The following RBFOX1 variants were observed in gnomAD, a reference collection of about 807,000 sequenced individuals.
RBFOX1 encodes RNA binding fox-1 homolog 1.
Under a neutral mutation model 57.7 loss-of-function variants are expected in RBFOX1, and 8 were observed. The observed-to-expected ratio is 0.14, with a 90% confidence interval of 0.08 to 0.25. RBFOX1 has a LOEUF of 0.25. RBFOX1 is among the 10% of genes least tolerant of loss of function. The pLI is 1.00. For missense variants in RBFOX1, 611 were observed against 548.5 expected (o/e 1.11, Z -1.14); for synonymous variants, 326 against 222.4 (o/e 1.47, Z -4.15).
chr16:6,128,814 G>C (rs918963982), intron 1 of RBFOX1, among the ~76,000 whole-genome samples: 8 of 152,158 alleles, frequency 5.3e-5, no homozygotes, highest in African/African-American at 1.9e-4. Flanking sequence ...GGGCACTTGG[G>C]ATCCAAGCAA....
intron 5 of RBFOX1, among the ~76,000 whole-genome samples, chr16:7,526,658 C>G (rs1326620103): frequency 6.6e-6 from 1 of 152,198 alleles, no homozygotes; most frequent in Non-Finnish European, 1.5e-5. Flanking sequence ...TGAATAGTTA[C>G]ATCGAAATGA....
intron 2 of RBFOX1, among the ~76,000 whole-genome samples, chr16:6,364,837 C>G (rs1380804892): frequency 6.6e-6 from 1 of 152,138 alleles, no homozygotes; most frequent in African/African-American, 2.4e-5. Context: ...GAGAGAGTAA[C>G]TGAAGGCAAA....
intron 1 of RBFOX1, among the ~76,000 whole-genome samples, chr16:5,397,070 G>A (rs62016360): frequency 0.12 from 18,620 of 152,220 alleles, 1,438 homozygotes; most frequent in Non-Finnish European, 0.16. Flanking sequence ...GGAAGAGCAT[G>A]TGGAAATTAG....
At chr16:6,134,232 C>T (rs1227955290) in intron 1 of RBFOX1, among the ~76,000 whole-genome samples, 1 of 152,158 alleles carries the variant, frequency 6.6e-6, no homozygotes, top group Non-Finnish European at 1.5e-5. Flanking sequence ...CCACCACACC[C>T]AGCCTAATTT....
intron 2 of RBFOX1, among the ~76,000 whole-genome samples, chr16:6,629,910 G>T (rs1477889842): frequency 6.8e-6 from 1 of 147,956 alleles, no homozygotes; most frequent in South Asian, 2.1e-4. Flanking sequence ...TCATTTTAAT[G>T]ACCTCTGCTA....
chr16:7,677,755 A>C (rs1485004022), intron 14 of RBFOX1, among the ~76,000 whole-genome samples: 2 of 152,214 alleles, frequency 1.3e-5, no homozygotes, highest in Non-Finnish European at 2.9e-5. Flanking sequence ...TTATTTTAAA[A>C]ATATGTTTCA....
chr16:5,711,310 A>G (rs532926395), intron 3 of RBFOX1, among the ~76,000 whole-genome samples: 173 of 152,344 alleles, frequency 1.1e-3, no homozygotes, highest in African/African-American at 4.0e-3. Context: ...AAATGGAGGC[A>G]CAGAGAGGTT....
chr16:6,101,754 G>T (rs1038039615), intron 1 of RBFOX1, among the ~76,000 whole-genome samples: 1 of 152,142 alleles, frequency 6.6e-6, no homozygotes, highest in Non-Finnish European at 1.5e-5. Flanking sequence ...AAACCTGTCT[G>T]TACTAAAAAT....
intron 4 of RBFOX1, among the ~76,000 whole-genome samples, chr16:5,897,246 A>G (rs1430664992): frequency 5.3e-5 from 8 of 149,706 alleles, no homozygotes; most frequent in African/African-American, 1.7e-4. Flanking sequence ...CTTGTTAGCC[A>G]GGATGGTCTC....
chr16:5,259,121 A>G (rs1333650394), intron 1 of RBFOX1, among the ~76,000 whole-genome samples: 1 of 152,116 alleles, frequency 6.6e-6, no homozygotes, highest in Non-Finnish European at 1.5e-5. Flanking sequence ...AGTATTGGAA[A>G]TAGTGCACAT....
At chr16:5,524,316 C>G (rs2044145778) in intron 2 of RBFOX1, among the ~76,000 whole-genome samples, 2 of 152,132 alleles carry the variant, frequency 1.3e-5, no homozygotes, top group Non-Finnish European at 1.5e-5. Context: ...CTCCCCATCC[C>G]CATTCAACCT....
At chr16:5,548,300 A>T (rs2045318879) in intron 2 of RBFOX1, among the ~76,000 whole-genome samples, 2 of 150,126 alleles carry the variant, frequency 1.3e-5, no homozygotes. Context: ...GGGTGATGGG[A>T]TCATTTGTAC....
intron 2 of RBFOX1, among the ~76,000 whole-genome samples, chr16:6,334,368 C>T (rs897324213): frequency 2.0e-5 from 3 of 151,902 alleles, no homozygotes; most frequent in African/African-American, 4.8e-5. Context: ...ATTAGCCAGG[C>T]ATGTTGGTGT....
At chr16:7,218,673 TG>T in intron 4 of RBFOX1, among the ~76,000 whole-genome samples, 1 of 149,606 alleles carries the variant, frequency 6.7e-6, no homozygotes, top group Non-Finnish European at 1.5e-5. Flanking sequence ...TGTGTGTGTG[TG>T]TGTGTGTCCT....
rs559517991 is a variant in RBFOX1, at chr16:6,930,073, G to T, written c.-15-121984G>T. Among the ~76,000 whole-genome samples, 12 of 152,272 alleles carry T rather than the reference G, an allele frequency of 7.9e-5. 1 individual carries two copies. Among genetic ancestry groups the T allele is most frequent in the South Asian group, 2.1e-4 (1 of 4,812 alleles). On this transcript the variant is annotated intron_variant, in intron 3 of 15. Coordinates refer to ENST00000550418, the MANE Select transcript of RBFOX1 (RefSeq NM_018723.4). ...TCTCCCATAGCAAACCAGCCCTGCT[G>T]GTTATGCTGGTTTACTCGGCCTGCT... is the stretch of plus-strand genomic sequence containing the variant.
intron 4 of RBFOX1, among the ~76,000 whole-genome samples, chr16:7,140,515 T>C (rs1046633703): frequency 1.3e-5 from 2 of 152,082 alleles, no homozygotes; most frequent in Non-Finnish European, 2.9e-5. Context: ...TAGCATATAG[T>C]ATGAGTTTAA....
intron 3 of RBFOX1, among the ~76,000 whole-genome samples, chr16:6,793,368 A>C (rs2154250297): frequency 6.6e-6 from 1 of 152,176 alleles, no homozygotes; most frequent in East Asian, 1.9e-4. Flanking sequence ...TTCCATTGAG[A>C]TTGATTGGAC....
At chr16:6,151,885 A>G (rs1597824565) in intron 1 of RBFOX1, among the ~76,000 whole-genome samples, 1 of 152,190 alleles carries the variant, frequency 6.6e-6, no homozygotes, top group South Asian at 2.1e-4. Flanking sequence ...GTGTCTTGAA[A>G]TCCTTGAAGA....
chr16:7,215,348 T>C (rs1327119915), intron 4 of RBFOX1, among the ~76,000 whole-genome samples: 1 of 152,182 alleles, frequency 6.6e-6, no homozygotes, highest in African/African-American at 2.4e-5. Context: ...AAATCATTCT[T>C]CTATAAAGAC....
Sources: allele counts gnomAD v4.1 joint callset (sites outside exome capture counted in the v4.1 genomes callset), GRCh38; gene constraint gnomAD v4.1.1; transcripts MANE v1.5; gene names NCBI Gene and HGNC (gene_info 2026-07-23, HGNC 2026-07-21).